Variants in DPY19L2 observed in about 807,000 individuals in gnomAD.
The protein encoded by DPY19L2 is dpy-19 like 2, also known as probable C-mannosyltransferase DPY19L2.
DPY19L2 carries 34 observed loss-of-function variants against 97.9 expected under a neutral mutation model. That is an observed-to-expected ratio of 0.35 (90% CI 0.26 to 0.46). The LOEUF is 0.46. Ranked by LOEUF, DPY19L2 falls within the 20% of genes least tolerant of loss-of-function variation. The pLI is 1.00. For missense variants in DPY19L2, 623 were observed against 911.4 expected (o/e 0.68, Z 4.07); for synonymous variants, 230 against 307.9 (o/e 0.75, Z 2.65).
intron 6 of DPY19L2, among the ~76,000 whole-genome samples, chr12:63,631,775 A>T (rs1890719411): frequency 6.6e-6 from 1 of 152,184 alleles, no homozygotes; most frequent in Admixed American, 6.5e-5. Context: ...AGAGAATTTT[A>T]GACCAATATC....
intron 12 of DPY19L2, among the ~76,000 whole-genome samples, chr12:63,602,133 C>T (rs999813925): frequency 7.5e-4 from 114 of 151,698 alleles, no homozygotes; most frequent in Non-Finnish European, 1.4e-3. Flanking sequence ...TATCCTCAAA[C>T]GAGCATTCAG....
At chr12:63,645,942 A>T (rs1893353547) in intron 5 of DPY19L2, among the ~76,000 whole-genome samples, 1 of 152,002 alleles carries the variant, frequency 6.6e-6, no homozygotes, top group East Asian at 1.9e-4. Flanking sequence ...CACCCCTTTC[A>T]TGATCTGATC....
intron 8 of DPY19L2, among the ~76,000 whole-genome samples, chr12:63,623,503 A>G (rs1266090861): frequency 6.6e-6 from 1 of 151,960 alleles, no homozygotes; most frequent in Non-Finnish European, 1.5e-5. Flanking sequence ...CAAACTATAT[A>G]CAAACGCATA....
chr12:63,668,313 G>A lies in DPY19L2; in HGVS notation c.81C>T (p.Leu27=), dbSNP rs150503441. 1.7e-5 allele frequency: 28 copies of A among 1,613,898 alleles called. 1 individual carries two copies. The highest frequency in any genetic ancestry group is 1.7e-4 in the Middle Eastern group (1 of 6,056). Residue 27 remains leucine, a synonymous_variant, in exon 1 of 22, where the codon CTC becomes CTT. Transcript: ENST00000324472. ...SQSKGRRGAS[L]AREPEVEEEM... is the part of the protein sequence containing the mutation. ...CCTCCTCTACCTCCGGCTCCCGGGC[G>A]AGGGAGGCCCCGCGCCGCCCCTTAG...
intron 12 of DPY19L2, among the ~76,000 whole-genome samples, chr12:63,601,279 CT>C (rs1164480062): frequency 6.6e-6 from 1 of 152,104 alleles, no homozygotes; most frequent in African/African-American, 2.4e-5. Flanking sequence ...AATGTGAAAA[CT>C]TAAGCTTTCC....
chr12:63,628,654 A>C (rs937956790), intron 6 of DPY19L2, among the ~76,000 whole-genome samples: 3 of 152,072 alleles, frequency 2.0e-5, no homozygotes, highest in African/African-American at 7.2e-5. Context: ...GACGTTGCCA[A>C]ACAAAAGGCA....
chr12:63,637,187 TG>T (rs1020775252), intron 6 of DPY19L2, among the ~76,000 whole-genome samples: 11 of 152,122 alleles, frequency 7.2e-5, no homozygotes, highest in Admixed American at 3.9e-4. Context: ...GAATGACTAC[TG>T]GGTACATAAC....
chr12:63,599,426 G>C (rs61935055), intron 13 of DPY19L2, among the ~76,000 whole-genome samples: 4,484 of 152,080 alleles, frequency 0.029, 110 homozygotes, highest in Middle Eastern at 0.068. Flanking sequence ...TGCAAAACTA[G>C]CAATAAATGG....
At chr12:63,655,114 C>T (rs1382688076) in intron 4 of DPY19L2, among the ~76,000 whole-genome samples, 1 of 152,046 alleles carries the variant, frequency 6.6e-6, no homozygotes, top group Non-Finnish European at 1.5e-5. Context: ...ATATAAGGAA[C>T]ATCCTAAGAT....
Position 63,596,032 on chromosome 12 carries a change from C to A in DPY19L2, c.1467G>T (p.Pro489=). 6.3e-7 allele frequency: 1 copy of A among 1,599,454 alleles called. No homozygotes were observed. Among genetic ancestry groups the A allele is most frequent in the Non-Finnish European group, 8.5e-7 (1 of 1,173,270 alleles). The change falls in exon 15 of 22, where the codon CCG becomes CCT. Residue 489 remains proline, a synonymous_variant. Transcript: ENST00000324472. ...GCAATAATGTCTTTGTGTATCTCAG[C>A]GGAGTCTGAAATATACCAAATTATT... ...PEFDFMEKAT[P]LRYTKTLLLP... is the part of the protein sequence containing the mutation.
At chr12:63,653,257 A>C (rs183164337) in intron 4 of DPY19L2, among the ~76,000 whole-genome samples, 1 of 152,138 alleles carries the variant, frequency 6.6e-6, no homozygotes, top group African/African-American at 2.4e-5. Flanking sequence ...GCTGAAAAAG[A>C]ATTCAAGGAA....
At position 63,664,680 on chromosome 12, in the gene DPY19L2, G is replaced by A. The variant is rs1295576742; in HGVS notation, c.363-835C>T. On this transcript the variant is annotated intron_variant, in intron 2 of 21. Transcript: ENST00000324472. ...TCAACAGCTGTCGGCAGTGAAGAAA[G>A]GAGCATATGTGATAAACAAAATTAG... Among the ~76,000 whole-genome samples, 4 of 152,288 alleles carry A rather than the reference G, an allele frequency of 2.6e-5. No individual in the cohort carries two copies. In the East Asian group the frequency reaches 7.7e-4, roughly 29 times the overall value.
chr12:63,602,534 C>A (rs1339072444), intron 12 of DPY19L2, among the ~76,000 whole-genome samples: 2 of 152,068 alleles, frequency 1.3e-5, no homozygotes, highest in Non-Finnish European at 2.9e-5. Flanking sequence ...AGACCTGAAT[C>A]GGCATTTGGA....
intron 6 of DPY19L2, among the ~76,000 whole-genome samples, chr12:63,628,587 G>C (rs1430601502): frequency 2.0e-5 from 3 of 152,146 alleles, no homozygotes; most frequent in Non-Finnish European, 1.5e-5. Flanking sequence ...ACAGGGTGGA[G>C]CCCACCACAG....
intron 12 of DPY19L2, among the ~76,000 whole-genome samples, chr12:63,607,189 A>G (rs1886185014): frequency 6.6e-6 from 1 of 152,112 alleles, no homozygotes; most frequent in South Asian, 2.1e-4. Flanking sequence ...AAATGAAGAC[A>G]GTTAATTTTC....
At chr12:63,630,314 G>A (rs1890368469) in intron 6 of DPY19L2, among the ~76,000 whole-genome samples, 1 of 152,152 alleles carries the variant, frequency 6.6e-6, no homozygotes, top group African/African-American at 2.4e-5. Flanking sequence ...GCTGTATTCA[G>A]GAAACCCATC....
intron 19 of DPY19L2, among the ~76,000 whole-genome samples, chr12:63,577,013 C>G (rs930212597): frequency 7.9e-5 from 12 of 152,032 alleles, no homozygotes; most frequent in African/African-American, 2.9e-4. Context: ...CTGAAGGAAT[C>G]ACAATACCTG....
chr12:63,644,876 C>A (rs1893191987), intron 5 of DPY19L2, among the ~76,000 whole-genome samples: 1 of 152,012 alleles, frequency 6.6e-6, no homozygotes, highest in Non-Finnish European at 1.5e-5. Context: ...GGTGATGCTG[C>A]TAGTGTTCAG....
chr12:63,589,394 T>TAAAAAAAAAAAAAAAAAAAAAAAAAAAA (rs1882478786), intron 16 of DPY19L2, among the ~76,000 whole-genome samples: 5 of 43,722 alleles, frequency 1.1e-4, no homozygotes, highest in East Asian at 8.6e-4. Flanking sequence ...AAAAAAAAAG[T>TAAAAAAAAAAAAAAAAAAAAAAAAAAAA]AAAGCAGCTT....
Sources: allele counts gnomAD v4.1 joint callset (sites outside exome capture counted in the v4.1 genomes callset), GRCh38; gene constraint gnomAD v4.1.1; transcripts MANE v1.5; gene names NCBI Gene and HGNC (gene_info 2026-07-23, HGNC 2026-07-21).